The following RUFY2 variants were observed in gnomAD, a reference collection of about 807,000 sequenced individuals.
The protein encoded by RUFY2 is RUN and FYVE domain-containing protein 2.
A neutral mutation model predicts 94.4 loss-of-function variants in RUFY2; 49 were observed. That is an observed-to-expected ratio of 0.52 (90% CI 0.41 to 0.66). RUFY2 has a LOEUF of 0.66. Ranked by LOEUF, RUFY2 falls within the 30% of genes least tolerant of loss-of-function variation. RUFY2 has a pLI of 0.00. For synonymous variants in RUFY2, 255 were observed against 235.7 expected (o/e 1.08, Z -0.75); for missense variants, 541 against 692.8 (o/e 0.78, Z 2.46).
chr10:68,402,839 C>CTTT (rs68013041), intron 2 of RUFY2, among the ~76,000 whole-genome samples: 38 of 109,872 alleles, frequency 3.5e-4, no homozygotes, highest in East Asian at 7.3e-4. Context: ...CAAGCCATAT[C>CTTT]TTTTTTTTTT....
At position 68,376,857 on chromosome 10, in the gene RUFY2, G is replaced by C; in HGVS notation, c.1321C>G (p.Gln441Glu). 6.8e-6 allele frequency: 11 copies of C among 1,613,412 alleles called. No homozygotes were observed. The highest frequency in any genetic ancestry group is 2.2e-5 in the East Asian group (1 of 44,800). Reference protein sequence around the residue: ...LQKQISQKEKQLVQLETDLKI... With the variant: ...LQKQISQKEKELVQLETDLKI... ...TTCTGAGAGTGAAATACTCACAGCT[G>C]TTTCTCCTTTTGGGAGATTTGTTTC... Residue 441 changes from glutamine to glutamate, a missense_variant, in exon 13 of 18, where the codon CAG (glutamine) becomes GAG (glutamate). Coordinates refer to ENST00000602465, the MANE Select transcript of RUFY2 (RefSeq NM_001330103.2).
At chr10:68,374,526 A>G (rs559617584) in intron 13 of RUFY2, among the ~76,000 whole-genome samples, 46 of 152,214 alleles carry the variant, frequency 3.0e-4, no homozygotes, top group Non-Finnish European at 5.7e-4. Context: ...TACAATAAGC[A>G]AAAACAGAAT....
At chr10:68,341,465 AGTAATT>A (rs1485256966), downstream of RUFY2, 89 of 985,060 alleles carry the variant, frequency 9.0e-5, no homozygotes, top group African/African-American at 1.3e-4. Flanking sequence ...TCGCTGTACT[AGTAATT>A]AATAAGCATA....
chr10:68,384,226 C>A, intron 8 of RUFY2, 74 bp from the exon 9 acceptor site: 1 of 1,451,542 alleles, frequency 6.9e-7, no homozygotes, highest in Admixed American at 2.9e-5. Flanking sequence ...ATGTGCATGG[C>A]CATAAACATC....
chr10:68,360,976 A>C (rs2047422202), intron 15 of RUFY2, among the ~76,000 whole-genome samples: 1 of 151,846 alleles, frequency 6.6e-6, no homozygotes, highest in African/African-American at 2.4e-5. Flanking sequence ...TCAACTATAA[A>C]GTCTCTATTA....
intron 13 of RUFY2, among the ~76,000 whole-genome samples, chr10:68,371,386 C>T (rs1229247490): frequency 6.6e-6 from 1 of 151,676 alleles, no homozygotes; most frequent in African/African-American, 2.4e-5. Flanking sequence ...CGCACCACTG[C>T]ACTCCAACCT....
intron 13 of RUFY2, among the ~76,000 whole-genome samples, chr10:68,373,066 C>G (rs2048387941): frequency 1.3e-5 from 2 of 152,036 alleles, no homozygotes; most frequent in African/African-American, 2.4e-5. Flanking sequence ...TAACATGATT[C>G]TCAATATATG....
intron 15 of RUFY2, among the ~76,000 whole-genome samples, chr10:68,357,123 G>A (rs897302117): frequency 8.6e-5 from 13 of 151,740 alleles, no homozygotes; most frequent in Non-Finnish European, 1.3e-4. Context: ...AGCCGAGATC[G>A]TGCCACTGCA....
intron 11 of RUFY2, among the ~76,000 whole-genome samples, chr10:68,380,059 T>C (rs1393465980): frequency 3.3e-5 from 5 of 152,026 alleles, no homozygotes; most frequent in African/African-American, 1.2e-4. Context: ...CTGCCCGCCT[T>C]GGCCTCCCAA....
chr10:68,377,177 T>C (rs2132698192), intron 12 of RUFY2: 1 of 1,421,494 alleles, frequency 7.0e-7, no homozygotes, highest in South Asian at 1.5e-5. Context: ...CAATATAACA[T>C]GTAGTATGCC....
chr10:68,360,880 AGAGT>A (rs1374719938), intron 15 of RUFY2, among the ~76,000 whole-genome samples: 3 of 146,340 alleles, frequency 2.1e-5, no homozygotes, highest in Non-Finnish European at 4.5e-5. Context: ...CCTGGGTGAC[AGAGT>A]GAGACCCCGT....
Position 68,377,950 on chromosome 10 carries a change from C to T in RUFY2, c.1206-978G>A, listed in dbSNP as rs1245805786. 6 of 985,308 alleles carry T rather than the reference C, an allele frequency of 6.1e-6. No individual in the cohort carries two copies. The East Asian group carries it at 6.8e-4, about 112-fold the overall frequency. 61.0% of individuals were successfully genotyped at this position (985,308 alleles called of 1,614,324 possible). ...GAAGGGAGAGTAACATTTAAGTTATCTCCAAATCCAAGTTTAAATTAAAAT... is the reference window on the plus strand; with the variant it reads ...GAAGGGAGAGTAACATTTAAGTTATTTCCAAATCCAAGTTTAAATTAAAAT... On this transcript the variant is annotated intron_variant, in intron 12 of 17. Transcript: ENST00000602465.
chr10:68,384,018 G>T, intron 9 of RUFY2, 33 bp downstream of exon 9: 1 of 1,590,000 alleles, frequency 6.3e-7, no homozygotes, highest in Non-Finnish European at 8.6e-7. Context: ...TTTCTGACAC[G>T]AGATTGTCTG....
At chr10:68,373,514 C>A (rs572518581) in intron 13 of RUFY2, among the ~76,000 whole-genome samples, 7 of 152,126 alleles carry the variant, frequency 4.6e-5, no homozygotes, top group African/African-American at 7.2e-5. Flanking sequence ...TGCCTATAAT[C>A]CAAATGCTTT....
intron 16 of RUFY2, among the ~76,000 whole-genome samples, chr10:68,348,082 C>T (rs2046405261): frequency 6.6e-6 from 1 of 151,634 alleles, no homozygotes; most frequent in South Asian, 2.1e-4. Context: ...ATGAGGAAGC[C>T]TAACTCTCCT....
rs1474956101 is a variant in RUFY2, at chr10:68,345,109, A to C, written c.*659T>G. 1 of 152,448 alleles carries C rather than the reference A, an allele frequency of 6.6e-6. No homozygotes were observed. Among genetic ancestry groups the C allele is most frequent in the Non-Finnish European group, 1.5e-5 (1 of 68,202 alleles). The allele number at this position is 152,448 out of a possible 1,614,324, so 9.4% of individuals were successfully genotyped here. The stretch of plus-strand genomic sequence containing the variant: ...GATGGTTATATGTAACTTCCTTTCA[A>C]GATTAAAAGGAAAAAAGTAGAGGCC... On this transcript the variant is annotated 3_prime_UTR_variant, in exon 18 of 18. Coordinates refer to ENST00000602465, the MANE Select transcript of RUFY2 (RefSeq NM_001330103.2).
At chr10:68,354,184 A>C (rs578071907) in intron 16 of RUFY2, among the ~76,000 whole-genome samples, 1 of 152,076 alleles carries the variant, frequency 6.6e-6, no homozygotes, top group East Asian at 1.9e-4. Context: ...ATTTTTTAAA[A>C]ATGATTTTCA....
intron 13 of RUFY2, among the ~76,000 whole-genome samples, chr10:68,370,707 G>A (rs2048208101): frequency 6.6e-6 from 1 of 151,784 alleles, no homozygotes; most frequent in South Asian, 2.1e-4. Flanking sequence ...GGAAATCTTA[G>A]GACTGAAAAA....
At chr10:68,377,020 G>T in intron 12 of RUFY2, 48 bp from the exon 13 acceptor site, 1 of 1,601,790 alleles carries the variant, frequency 6.2e-7, no homozygotes, top group Non-Finnish European at 8.5e-7. Context: ...CTAGAACTAG[G>T]GTGTAAAAGG....
Sources: allele counts gnomAD v4.1 joint callset (sites outside exome capture counted in the v4.1 genomes callset), GRCh38; gene constraint gnomAD v4.1.1; transcripts MANE v1.5; gene names NCBI Gene and HGNC (gene_info 2026-07-23, HGNC 2026-07-21).